C10orf67: variants seen among roughly 807,000 people sequenced by gnomAD.
C10orf67 encodes uncharacterized protein C10orf67, mitochondrial.
A neutral mutation model predicts 35.6 loss-of-function variants in C10orf67; 60 were observed. The observed-to-expected ratio is 1.68, with a 90% CI of 1.37 to 2.09. The LOEUF is 2.09. Among genes scored for constraint, C10orf67 ranks in the 30% most tolerant of loss-of-function variants. C10orf67 has a pLI of 0.00. For missense variants in C10orf67, 474 were observed against 330.2 expected, an observed-to-expected ratio of 1.44 and a Z score of -3.38; for synonymous variants, 167 against 115.8, an observed-to-expected ratio of 1.44 and a Z score of -2.84.
intron 4 of C10orf67, among the ~76,000 whole-genome samples, chr10:23,312,110 T>C (rs1034293915): frequency 6.6e-6 from 1 of 152,230 alleles, no homozygotes; most frequent in Non-Finnish European, 1.5e-5. Flanking sequence ...AATTAATACA[T>C]GTTATACTCC....
At chr10:23,330,232 A>G (rs377173360) in intron 2 of C10orf67, among the ~76,000 whole-genome samples, 13 of 151,362 alleles carry the variant, frequency 8.6e-5, no homozygotes, top group African/African-American at 2.7e-4. Context: ...CCAAGGCAGG[A>G]GGATCACTCG....
At chr10:23,210,751 G>T (rs992619912) in intron 15 of C10orf67, among the ~76,000 whole-genome samples, 6 of 152,146 alleles carry the variant, frequency 3.9e-5, no homozygotes, top group African/African-American at 1.4e-4. Context: ...AACATATAGA[G>T]ATCACTTGCT....
chr10:23,332,274 A>C (rs1368940201), intron 2 of C10orf67, among the ~76,000 whole-genome samples: 3 of 152,338 alleles, frequency 2.0e-5, no homozygotes, highest in Non-Finnish European at 2.9e-5. Flanking sequence ...AAACAAAATC[A>C]AGGTAGACAA....
At chr10:23,270,623 C>T (rs1842992434) in intron 8 of C10orf67, among the ~76,000 whole-genome samples, 2 of 152,198 alleles carry the variant, frequency 1.3e-5, no homozygotes, top group Non-Finnish European at 2.9e-5. Context: ...AGGTTAAGAC[C>T]CACTGGCTTG....
At chr10:23,289,860 A>G (rs1414854826) in intron 7 of C10orf67, 40 bp downstream of exon 7, 3 of 713,146 alleles carry the variant, frequency 4.2e-6, no homozygotes, top group South Asian at 3.0e-5. Context: ...CTATAGTTCC[A>G]TTTAAAAGAG....
intron 13 of C10orf67, among the ~76,000 whole-genome samples, chr10:23,239,349 T>A (rs1157049829): frequency 1.3e-5 from 2 of 152,204 alleles, no homozygotes; most frequent in Non-Finnish European, 2.9e-5. Context: ...TATCTTCTTT[T>A]TTTCCTTTGG....
intron 15 of C10orf67, 94 bp downstream of exon 15, chr10:23,223,504 C>A: frequency 2.9e-6 from 2 of 697,888 alleles, no homozygotes; most frequent in East Asian, 2.7e-5. Flanking sequence ...ACCCAGAATA[C>A]CAAATACCTC....
intron 15 of C10orf67, among the ~76,000 whole-genome samples, chr10:23,213,632 G>A (rs1248347016): frequency 6.6e-6 from 1 of 152,032 alleles, no homozygotes; most frequent in African/African-American, 2.4e-5. Context: ...GCAAATTATT[G>A]AAGTAATGAT....
At chr10:23,306,379 C>G (rs1844280801) in intron 4 of C10orf67, among the ~76,000 whole-genome samples, 1 of 151,828 alleles carries the variant, frequency 6.6e-6, no homozygotes, top group African/African-American at 2.4e-5. Flanking sequence ...AAAAAATTAG[C>G]TGGGCATGGT....
chr10:23,277,578 C>G (rs1843228991), intron 8 of C10orf67, among the ~76,000 whole-genome samples: 1 of 151,102 alleles, frequency 6.6e-6, no homozygotes, highest in South Asian at 2.1e-4. Flanking sequence ...TAATAACACA[C>G]ACACGTATAC....
At chr10:23,239,969 T>A (rs926914684) in intron 12 of C10orf67, among the ~76,000 whole-genome samples, 153 bp from the exon 13 acceptor site, 2 of 152,194 alleles carry the variant, frequency 1.3e-5, no homozygotes, top group Non-Finnish European at 2.9e-5. Context: ...ACTACCTCTT[T>A]CATTTTTAAA....
At chr10:23,312,523 A>G (rs1844536963) in intron 4 of C10orf67, among the ~76,000 whole-genome samples, 2 of 152,182 alleles carry the variant, frequency 1.3e-5, no homozygotes, top group South Asian at 4.1e-4. Flanking sequence ...AGTGTAGAAT[A>G]TCATTTAAAT....
chr10:23,279,851 T>A lies in C10orf67; in HGVS notation c.975+2162A>T, dbSNP rs928979154. On this transcript the variant is annotated intron_variant, in intron 8 of 15. Transcript: ENST00000636213. ...TATATAATAAATAAATAAATAAATA[T>A]TTATCTATTTTTTTAAATAGACAGT... Among the ~76,000 whole-genome samples the A allele has an allele frequency of 5.3e-5, 8 of 150,684 alleles. No individual in the cohort carries two copies. In the East Asian group the frequency reaches 1.2e-3, roughly 22 times the overall value.
chr10:23,295,958 T>C lies in C10orf67; in HGVS notation c.703-4679A>G, dbSNP rs138040168. Among the ~76,000 whole-genome samples the C allele has an allele frequency of 1.5e-3, 222 of 152,324 alleles. 1 individual carries two copies. The highest frequency in any genetic ancestry group is 5.1e-3 in the African/African-American group (211 of 41,574). Reference sequence around the variant, plus strand: ...ACAAAGTAAACACCTAAAGCAAACATTTAAACCAGTTTAAATACGATCCTT... The same window carrying C: ...ACAAAGTAAACACCTAAAGCAAACACTTAAACCAGTTTAAATACGATCCTT... On this transcript the variant is annotated intron_variant, in intron 5 of 15. Coordinates refer to ENST00000636213, the MANE Select transcript of C10orf67 (RefSeq NM_001371909.1).
chr10:23,287,044 T>C (rs1489613213), intron 7 of C10orf67, among the ~76,000 whole-genome samples: 3 of 152,204 alleles, frequency 2.0e-5, no homozygotes, highest in Non-Finnish European at 2.9e-5. Context: ...AAAATGGCCA[T>C]ATTGCCCAAA....
At chr10:23,295,726 T>C (rs1843861310) in intron 5 of C10orf67, among the ~76,000 whole-genome samples, 1 of 152,196 alleles carries the variant, frequency 6.6e-6, no homozygotes, top group Non-Finnish European at 1.5e-5. Flanking sequence ...GTCTTTTCTA[T>C]TAAATTGTTT....
At chr10:23,330,388 AG>A (rs2132378099) in intron 2 of C10orf67, among the ~76,000 whole-genome samples, 1 of 152,204 alleles carries the variant, frequency 6.6e-6, no homozygotes, top group South Asian at 2.1e-4. Flanking sequence ...ACTCGAGCCC[AG>A]GAAGTCAAGG....
intron 10 of C10orf67, 42 bp from the exon 11 acceptor site, chr10:23,250,733 A>G (rs1167130280): frequency 5.0e-6 from 2 of 398,146 alleles, no homozygotes; most frequent in Admixed American, 8.8e-5. Context: ...TACACAAACA[A>G]TATATCTTGT....
At chr10:23,342,976 T>C (rs1845963866) in intron 1 of C10orf67, among the ~76,000 whole-genome samples, 1 of 152,264 alleles carries the variant, frequency 6.6e-6, no homozygotes, top group South Asian at 2.1e-4. Flanking sequence ...TAATTCTGGC[T>C]ACCTACTGAT....
Sources: gnomAD v4.1 joint callset for allele counts (sites outside exome capture counted in the v4.1 genomes callset) on GRCh38, gnomAD v4.1.1 for gene constraint, MANE v1.5 for transcripts, NCBI Gene and HGNC (gene_info 2026-07-23, HGNC 2026-07-21) for gene names.